SPNS3: variants seen among roughly 807,000 people sequenced by gnomAD.
The protein encoded by SPNS3 is protein spinster homolog 3.
In SPNS3, 51 loss-of-function variants were observed where a neutral mutation model predicts 54.4. The observed-to-expected ratio is 0.94, with a 90% CI of 0.75 to 1.18. SPNS3 has a LOEUF of 1.18. Ranked by LOEUF, SPNS3 falls within the 50% of genes most tolerant of loss-of-function variation. The pLI, the probability that SPNS3 is intolerant of heterozygous loss-of-function variation, is 0.00. For missense variants in SPNS3, 669 were observed against 677.4 expected (o/e 0.99, Z 0.14); for synonymous variants, 309 against 294.7 (o/e 1.05, Z -0.50).
intron 8 of SPNS3, among the ~76,000 whole-genome samples, chr17:4,475,121 T>C (rs1383730248): frequency 6.6e-6 from 1 of 152,096 alleles, no homozygotes; most frequent in African/African-American, 2.4e-5. Context: ...CCAGGGACAT[T>C]TATCATCACT....
At chr17:4,478,744 T>C in intron 9 of SPNS3, 107 bp downstream of exon 9, 6 of 1,103,708 alleles carry the variant, frequency 5.4e-6, no homozygotes, top group Non-Finnish European at 8.0e-6. Context: ...GACCATACAT[T>C]AGGGGACCAA....
chr17:4,450,365 C>CTCTG (rs1264986928), intron 7 of SPNS3, among the ~76,000 whole-genome samples: 1 of 143,470 alleles, frequency 7.0e-6, no homozygotes, highest in Non-Finnish European at 1.5e-5. Flanking sequence ...CTCTCTCTCT[C>CTCTG]TCTCCCTACC....
At chr17:4,473,916 T>C (rs547030422) in intron 8 of SPNS3, among the ~76,000 whole-genome samples, 1 of 152,096 alleles carries the variant, frequency 6.6e-6, no homozygotes, top group African/African-American at 2.4e-5. Flanking sequence ...TCCCCAACTC[T>C]GGGAAGCGTT....
At chr17:4,464,635 C>T (rs1007606886) in intron 8 of SPNS3, among the ~76,000 whole-genome samples, 3 of 152,196 alleles carry the variant, frequency 2.0e-5, no homozygotes, top group African/African-American at 7.2e-5. Context: ...CTCTTTACCT[C>T]TCGGCTTCAT....
chr17:4,473,747 A>G (rs1443504598), intron 8 of SPNS3, among the ~76,000 whole-genome samples: 2 of 152,010 alleles, frequency 1.3e-5, no homozygotes, highest in Admixed American at 1.3e-4. Flanking sequence ...ATAACTGCCC[A>G]TCTGGTGTCC....
At chr17:4,452,468 G>A (rs1016073725) in intron 7 of SPNS3, among the ~76,000 whole-genome samples, 7 of 152,040 alleles carry the variant, frequency 4.6e-5, no homozygotes, top group African/African-American at 1.7e-4. Flanking sequence ...AGTCAGGTAG[G>A]GGCTGCCTGA....
intron 8 of SPNS3, among the ~76,000 whole-genome samples, 184 bp downstream of exon 8, chr17:4,453,389 C>G (rs1971221690): frequency 1.3e-5 from 2 of 152,178 alleles, no homozygotes; most frequent in Admixed American, 1.3e-4. Flanking sequence ...TGGCTCATGT[C>G]TGTAATCCTA....
In SPNS3 at chr17:4,483,384, T is replaced by C. The variant is rs1972225110; in HGVS notation, c.1180-2844T>C. 1 of 152,252 alleles carries C rather than the reference T, an allele frequency of 6.6e-6. No homozygotes were observed. Among genetic ancestry groups the C allele is most frequent in the African/African-American group, 2.4e-5 (1 of 41,446 alleles). The allele number at this position is 152,252 out of a possible 1,614,324, so 9.4% of individuals were successfully genotyped here. ...TACCCCCTGGGCTCTCCAGCTTCTG[T>C]GGGCCCAGCCTTGGCTGCTGGCTGC... On this transcript the variant is annotated intron_variant, in intron 9 of 11. Coordinates refer to ENST00000355530, the MANE Select transcript of SPNS3 (RefSeq NM_182538.5). The surrounding 1 kb of genome is among the most constrained non-coding windows in gnomAD (Gnocchi z 4.2).
At chr17:4,449,497 T>G (rs148155411) in intron 7 of SPNS3, 110 bp downstream of exon 7, 113 of 1,315,634 alleles carry the variant, frequency 8.6e-5, no homozygotes, top group Non-Finnish European at 1.1e-4. Context: ...GGGCATTTGG[T>G]GCTGTGTGAA....
chr17:4,435,806 C>T (rs1031301154), intron 1 of SPNS3, among the ~76,000 whole-genome samples: 86 of 152,304 alleles, frequency 5.6e-4, no homozygotes, highest in African/African-American at 1.9e-3. Flanking sequence ...GTGGCTCACG[C>T]CTGTAATCCC....
chr17:4,473,649 A>C (rs1382136996), intron 8 of SPNS3, among the ~76,000 whole-genome samples: 1 of 152,036 alleles, frequency 6.6e-6, no homozygotes, highest in Non-Finnish European at 1.5e-5. Context: ...CGGCTTCCCA[A>C]AGTGCTGGGA....
In SPNS3 at chr17:4,487,807, G is replaced by C. The variant is rs760635991; in HGVS notation, c.1452G>C (p.Gly484=). The change falls in exon 12 of 12, where the codon GGG becomes GGC. Residue 484 remains glycine, a splice_region_variant and synonymous_variant. Transcript: ENST00000355530. The stretch of plus-strand genomic sequence containing the variant: ...GGCTGAGCATCTTTCCTCCTGCAGG[G>C]ACCCCAGACAGCAATGATGTGGACA... ...DETRAWQPVT[G]TPDSNDVDSN... is the part of the protein sequence containing the mutation. 1.9e-6 allele frequency: 3 copies of C among 1,613,956 alleles called. No homozygotes were observed. In the South Asian group the frequency reaches 3.3e-5, roughly 18 times the overall value.
At chr17:4,468,755 T>TTCTC (rs1567570064) in intron 8 of SPNS3, among the ~76,000 whole-genome samples, 1 of 143,966 alleles carries the variant, frequency 6.9e-6, no homozygotes, top group Non-Finnish European at 1.5e-5. Flanking sequence ...CTTTCTTTCT[T>TTCTC]TCTTTCTCTC....
chr17:4,476,610 G>A (rs1333560338), intron 8 of SPNS3, among the ~76,000 whole-genome samples: 1 of 152,182 alleles, frequency 6.6e-6, no homozygotes, highest in Non-Finnish European at 1.5e-5. Context: ...CCAGGAGGCA[G>A]CTGGCAGACC....
chr17:4,456,921 A>T (rs1477566545), intron 8 of SPNS3, among the ~76,000 whole-genome samples: 4 of 151,930 alleles, frequency 2.6e-5, no homozygotes, highest in African/African-American at 4.8e-5. Context: ...CACCATTTTG[A>T]CCAGGCTGGT....
chr17:4,486,237 G>C lies in SPNS3; in HGVS notation c.1189G>C (p.Val397Leu). ...TGCCTATGTTTTGCAGTCTGTGGTG[G>C]TGCCCAGATGCCGGGGGACGGCAGA... is the stretch of plus-strand genomic sequence containing the variant. ...VVADILLSVV[V>L]PRCRGTAEAL... Residue 397 changes from valine to leucine, a missense_variant, in exon 10 of 12, where the codon GTG becomes CTG. Val to Leu is a conservative substitution (Grantham distance 32). Transcript: ENST00000355530. This position sits in a 1 kb window ranked among gnomAD's most constrained non-coding sequence, Gnocchi z 5.5. The C allele has an allele frequency of 6.4e-7, 1 of 1,561,118 alleles. No homozygotes were observed.
rs866711219 is a variant in SPNS3, at chr17:4,473,412, T to A, written c.1114-5160T>A. ...CCCAGTCTTTTTTTTTTTTTTTTTT[T>A]AAAGAGAGAGAGTCTCACTCTTTTG... On this transcript the variant is annotated intron_variant, in intron 8 of 11. Transcript: ENST00000355530. 3.8e-3 allele frequency among the ~76,000 whole-genome samples: 572 copies of A among 149,902 alleles called. 1 individual carries two copies. Among genetic ancestry groups the A allele is most frequent in the African/African-American group, 0.014 (555 of 40,710 alleles).
chr17:4,444,542 C>T (rs897173149), intron 2 of SPNS3, among the ~76,000 whole-genome samples: 9 of 151,960 alleles, frequency 5.9e-5, no homozygotes, highest in Non-Finnish European at 1.2e-4. Flanking sequence ...CATTCTAAAG[C>T]GTCCTCATCT....
At chr17:4,436,638 A>G (rs1284963336) in intron 1 of SPNS3, among the ~76,000 whole-genome samples, 2 of 152,192 alleles carry the variant, frequency 1.3e-5, no homozygotes, top group Non-Finnish European at 2.9e-5. Context: ...AAGCAAAACA[A>G]AACACATGAA....
Sources: gnomAD v4.1 joint callset for allele counts (sites outside exome capture counted in the v4.1 genomes callset) on GRCh38, gnomAD v4.1.1 for gene constraint, Gnocchi (gnomAD v3.1) non-coding constraint, MANE v1.5 for transcripts, NCBI Gene and HGNC (gene_info 2026-07-23, HGNC 2026-07-21) for gene names.